The following ANO4 variants were observed in gnomAD, a reference collection of about 807,000 sequenced individuals.
ANO4 encodes the protein anoctamin-4.
In ANO4, 69 loss-of-function variants were observed where a neutral mutation model predicts 141.9. That is an observed-to-expected ratio of 0.49 (90% confidence interval 0.40 to 0.59). The LOEUF is 0.59. ANO4 is among the 20% of genes least tolerant of loss of function. The pLI, the probability that ANO4 is intolerant of heterozygous loss-of-function variation, is 0.00. For synonymous variants in ANO4, 350 were observed against 394.3 expected (o/e 0.89, Z 1.33); for missense variants, 894 against 1,162.2 (o/e 0.77, Z 3.36).
chr12:101,020,293 A>G (rs2046469340), intron 9 of ANO4, among the ~76,000 whole-genome samples, 153 bp downstream of exon 9: 1 of 152,194 alleles, frequency 6.6e-6, no homozygotes, highest in Non-Finnish European at 1.5e-5. Flanking sequence ...CAAGTGTAAA[A>G]TCTTCGTCGC....
At chr12:100,991,463 A>G (rs904927233) in intron 8 of ANO4, among the ~76,000 whole-genome samples, 2 of 149,088 alleles carry the variant, frequency 1.3e-5, no homozygotes, top group East Asian at 4.0e-4. Flanking sequence ...AATAATAGAA[A>G]TGTAAGTGTG....
At chr12:101,090,006 A>G (rs1050599338) in intron 17 of ANO4, among the ~76,000 whole-genome samples, 1 of 152,212 alleles carries the variant, frequency 6.6e-6, no homozygotes, top group Admixed American at 6.5e-5. Flanking sequence ...AATGCTCACC[A>G]TCACTGGCCA....
intron 8 of ANO4, among the ~76,000 whole-genome samples, chr12:101,007,340 A>T (rs1358523181): frequency 6.6e-6 from 1 of 152,124 alleles, no homozygotes; most frequent in Non-Finnish European, 1.5e-5. Flanking sequence ...AGAGAGTAAG[A>T]CTCCATCTCA....
intron 3 of ANO4, among the ~76,000 whole-genome samples, chr12:100,753,469 G>A (rs1196826160): frequency 2.0e-5 from 3 of 150,858 alleles, no homozygotes; most frequent in South Asian, 2.1e-4. Context: ...CATACCCTGG[G>A]TAGATTGTCC....
chr12:101,012,463 GGAA>G (rs2046136381), intron 8 of ANO4, among the ~76,000 whole-genome samples: 1 of 152,112 alleles, frequency 6.6e-6, no homozygotes, highest in African/African-American at 2.4e-5. Context: ...CAAAATGTTG[GGAA>G]GAAACAAGTT....
chr12:100,807,539 T>C (rs751186269), intron 1 of ANO4, among the ~76,000 whole-genome samples: 3 of 152,196 alleles, frequency 2.0e-5, no homozygotes, highest in African/African-American at 4.8e-5. Context: ...AAGGGTTAAA[T>C]TAAATTTATA....
chr12:101,123,603 G>A (rs2051187184), intron 26 of ANO4, among the ~76,000 whole-genome samples: 1 of 151,882 alleles, frequency 6.6e-6, no homozygotes. Flanking sequence ...AGTTTGCTGA[G>A]GATAACAGCT....
intron 14 of ANO4, chr12:101,068,718 G>A (rs1054908412): frequency 3.4e-5 from 44 of 1,297,396 alleles, no homozygotes; most frequent in Non-Finnish European, 4.4e-5. Flanking sequence ...CTGACAAAAT[G>A]ACCAGATCTC....
At chr12:101,009,797 G>T (rs2046010152) in intron 8 of ANO4, among the ~76,000 whole-genome samples, 1 of 152,088 alleles carries the variant, frequency 6.6e-6, no homozygotes, top group Non-Finnish European at 1.5e-5. Flanking sequence ...ATTCTTGAAT[G>T]TTTTAGCTGA....
intron 3 of ANO4, among the ~76,000 whole-genome samples, chr12:100,765,379 C>CTT (rs71091461): frequency 0.23 from 29,184 of 125,232 alleles, 3,997 homozygotes; most frequent in African/African-American, 0.28. Context: ...TTCTTTCTTT[C>CTT]TTTTTTTTTT....
chr12:100,891,782 CTGTT>C (rs1419164346), intron 1 of ANO4, among the ~76,000 whole-genome samples: 4 of 152,058 alleles, frequency 2.6e-5, no homozygotes, highest in African/African-American at 9.7e-5. Flanking sequence ...TAAAATTACT[CTGTT>C]AGTGATTTTT....
At chr12:101,105,964 T>C (rs1004578062) in intron 22 of ANO4, among the ~76,000 whole-genome samples, 2 of 152,000 alleles carry the variant, frequency 1.3e-5, no homozygotes, top group Non-Finnish European at 1.5e-5. Context: ...ATACAAAAAT[T>C]AGCTTGGTGG....
At chr12:101,116,919 T>G (rs959427540) in intron 25 of ANO4, 121 bp downstream of exon 25, 8 of 1,301,188 alleles carry the variant, frequency 6.1e-6, no homozygotes, top group Non-Finnish European at 8.6e-6. Context: ...ATCTCAACAG[T>G]GCATTAAAAG....
intron 3 of ANO4, among the ~76,000 whole-genome samples, chr12:100,744,286 T>C (rs2032004849): frequency 6.6e-6 from 1 of 152,132 alleles, no homozygotes; most frequent in South Asian, 2.1e-4. Flanking sequence ...CCATAGCAAA[T>C]ATACAACTGG....
rs186130170 is a variant in ANO4, at chr12:101,084,672, A to C, written c.1536+854A>C. 2.6e-5 allele frequency among the ~76,000 whole-genome samples: 4 copies of C among 152,348 alleles called. No homozygotes were observed. The East Asian group carries it at 7.7e-4, about 29-fold the overall frequency. On this transcript the variant is annotated intron_variant, in intron 16 of 27. Coordinates refer to ENST00000392977, the MANE Select transcript of ANO4 (RefSeq NM_001286615.2). ...TTACCCAGACTCCTTGGCTCAGACCAAGATTCAAATCCATGCCTGTCTACA... is the reference window on the plus strand; with the variant it reads ...TTACCCAGACTCCTTGGCTCAGACCCAGATTCAAATCCATGCCTGTCTACA...
intron 1 of ANO4, among the ~76,000 whole-genome samples, chr12:100,840,667 T>G (rs1302873495): frequency 6.6e-6 from 1 of 152,158 alleles, no homozygotes; most frequent in African/African-American, 2.4e-5. Flanking sequence ...CTCAGACATG[T>G]GAAGGCAGCA....
At chr12:100,969,941 G>A (rs950507345) in intron 5 of ANO4, among the ~76,000 whole-genome samples, 1 of 152,172 alleles carries the variant, frequency 6.6e-6, no homozygotes, top group Non-Finnish European at 1.5e-5. Context: ...GACTTCCAAA[G>A]AGAAATCTCC....
chr12:101,054,998 T>C (rs1371687010), intron 14 of ANO4, among the ~76,000 whole-genome samples: 1 of 152,254 alleles, frequency 6.6e-6, no homozygotes, highest in Non-Finnish European at 1.5e-5. Flanking sequence ...TGTCAGTAGC[T>C]GGTTTCTTTT....
chr12:100,966,269 A>G (rs898182333), intron 5 of ANO4, among the ~76,000 whole-genome samples: 1 of 152,198 alleles, frequency 6.6e-6, no homozygotes, highest in Non-Finnish European at 1.5e-5. Context: ...TACTATGAGC[A>G]CCTTAACGGC....
Sources: allele counts gnomAD v4.1 joint callset (sites outside exome capture counted in the v4.1 genomes callset), GRCh38; gene constraint gnomAD v4.1.1; transcripts MANE v1.5; gene names NCBI Gene and HGNC (gene_info 2026-07-23, HGNC 2026-07-21).